The following KLHL1 variants were observed in gnomAD, a reference collection of about 807,000 sequenced individuals.
KLHL1 encodes kelch like family member 1.
KLHL1 carries 47 observed loss-of-function variants against 77.7 expected under a neutral mutation model. The observed-to-expected ratio is 0.60, with a 90% CI of 0.48 to 0.77. KLHL1 has a LOEUF of 0.77. Among genes scored for constraint, KLHL1 ranks in the 30% least tolerant of loss-of-function variants. KLHL1 has a pLI of 0.00. For synonymous variants in KLHL1, 360 were observed against 325.2 expected, an observed-to-expected ratio of 1.11 and a Z score of -1.15; for missense variants, 925 against 910.8, an observed-to-expected ratio of 1.02 and a Z score of -0.20.
chr13:70,090,110 C>T (rs1887638110), intron 1 of KLHL1, among the ~76,000 whole-genome samples: 1 of 152,030 alleles, frequency 6.6e-6, no homozygotes, highest in South Asian at 2.1e-4. Context: ...TAAATAAGAA[C>T]TTACTGAATG....
chr13:69,949,887 T>A (rs770901678), intron 3 of KLHL1, among the ~76,000 whole-genome samples: 11 of 151,808 alleles, frequency 7.2e-5, no homozygotes, highest in Non-Finnish European at 1.0e-4. Context: ...TTATTCCTTA[T>A]TGCAAATTTG....
At chr13:69,930,601 C>A (rs1882969274) in intron 4 of KLHL1, among the ~76,000 whole-genome samples, 1 of 151,806 alleles carries the variant, frequency 6.6e-6, no homozygotes, top group Admixed American at 6.6e-5. Context: ...CCTGCACATA[C>A]AACAAAGCAA....
chr13:69,754,680 T>G (rs1326646133), intron 7 of KLHL1, among the ~76,000 whole-genome samples: 1 of 152,168 alleles, frequency 6.6e-6, no homozygotes, highest in African/African-American at 2.4e-5. Context: ...CTAATACAAA[T>G]GCCATCAGGC....
At chr13:69,916,760 GA>G (rs543456088) in intron 4 of KLHL1, among the ~76,000 whole-genome samples, 16 of 146,268 alleles carry the variant, frequency 1.1e-4, no homozygotes, top group Admixed American at 4.1e-4. Flanking sequence ...AAAATAAAGT[GA>G]AAAAAAAACC....
intron 2 of KLHL1, among the ~76,000 whole-genome samples, chr13:69,974,815 A>G (rs1013966199): frequency 3.3e-5 from 5 of 152,070 alleles, no homozygotes; most frequent in African/African-American, 1.2e-4. Context: ...ATGACATTGA[A>G]TAATTCTCTC....
At chr13:69,959,112 G>A (rs1377312089) in intron 3 of KLHL1, among the ~76,000 whole-genome samples, 1 of 152,038 alleles carries the variant, frequency 6.6e-6, no homozygotes, top group Non-Finnish European at 1.5e-5. Flanking sequence ...AGTGGCAGTG[G>A]CAGCTGAGAG....
rs542792021 is a variant in KLHL1 at position 69,829,932 on chromosome 13, C to T, written c.1414+9044G>A. Among the ~76,000 whole-genome samples, 66 of 150,010 alleles carry T rather than the reference C, an allele frequency of 4.4e-4. 5 individuals carry two copies. The highest frequency in any genetic ancestry group is 8.6e-4 in the Non-Finnish European group (58 of 67,776). ...ATTTGGCACTGCCAAGCCAGCACTACAAGAACTGCTAAAAGGAGTTCTAAA... is the reference window on the plus strand; with the variant it reads ...ATTTGGCACTGCCAAGCCAGCACTATAAGAACTGCTAAAAGGAGTTCTAAA... On this transcript the variant is annotated intron_variant, in intron 6 of 10. Transcript: ENST00000377844.
chr13:69,887,816 G>T (rs1434700981), intron 4 of KLHL1, among the ~76,000 whole-genome samples: 1 of 152,018 alleles, frequency 6.6e-6, no homozygotes, highest in Non-Finnish European at 1.5e-5. Context: ...CACATAAATT[G>T]CCCTTTACAG....
chr13:69,755,917 T>C (rs1874706332), intron 7 of KLHL1, among the ~76,000 whole-genome samples: 1 of 152,194 alleles, frequency 6.6e-6, no homozygotes, highest in African/African-American at 2.4e-5. Context: ...TGGGATTTTG[T>C]GAAAATTTCT....
intron 9 of KLHL1, among the ~76,000 whole-genome samples, chr13:69,717,797 T>C (rs1872836698): frequency 6.6e-6 from 1 of 152,102 alleles, no homozygotes; most frequent in Non-Finnish European, 1.5e-5. Flanking sequence ...CATTTGTGAG[T>C]ATAAAAGCAT....
intron 4 of KLHL1, among the ~76,000 whole-genome samples, chr13:69,910,201 C>A (rs796752304): frequency 8.6e-5 from 13 of 152,034 alleles, no homozygotes; most frequent in African/African-American, 2.7e-4. Context: ...GTTAAAAATA[C>A]ATTCAAAGAT....
Position 69,863,210 on chromosome 13 carries a change from T to G in KLHL1, c.1227+19073A>C, listed in dbSNP as rs533003618. Among the ~76,000 whole-genome samples the G allele has an allele frequency of 2.0e-5, 3 of 152,240 alleles. No homozygotes were observed. The South Asian group carries it at 6.2e-4, about 32-fold the overall frequency. On this transcript the variant is annotated intron_variant, in intron 5 of 10. Coordinates refer to ENST00000377844, the MANE Select transcript of KLHL1 (RefSeq NM_020866.3). ...TAATTATTCACTTTTATTTTTGTTT[T>G]TTCTCATATATTCTAATCAGTACTC...
intron 1 of KLHL1, among the ~76,000 whole-genome samples, chr13:70,043,962 A>G (rs1453709264): frequency 2.6e-5 from 4 of 152,210 alleles, no homozygotes; most frequent in African/African-American, 9.7e-5. Context: ...TCTTCACTGC[A>G]ATTCTTACTC....
At chr13:69,790,985 T>C (rs1470276385) in intron 7 of KLHL1, among the ~76,000 whole-genome samples, 5 of 152,194 alleles carry the variant, frequency 3.3e-5, no homozygotes, top group South Asian at 2.1e-4. Context: ...AGGAGAAACA[T>C]ATTTAATAGT....
At chr13:69,806,437 G>T (rs1288521105) in intron 6 of KLHL1, among the ~76,000 whole-genome samples, 1 of 152,124 alleles carries the variant, frequency 6.6e-6, no homozygotes, top group Non-Finnish European at 1.5e-5. Context: ...AGAGTAATAA[G>T]TACATACTCA....
intron 10 of KLHL1, among the ~76,000 whole-genome samples, chr13:69,706,148 C>CTTTTATT (rs1875615831): frequency 6.7e-6 from 1 of 149,542 alleles, no homozygotes; most frequent in Admixed American, 6.7e-5. Flanking sequence ...TCATTACTTG[C>CTTTTATT]TTTTATTTTT....
At chr13:69,830,837 T>C (rs1341463448) in intron 6 of KLHL1, among the ~76,000 whole-genome samples, 1 of 150,064 alleles carries the variant, frequency 6.7e-6, no homozygotes. Flanking sequence ...AGTAATCTGA[T>C]CCTGAATGAT....
intron 6 of KLHL1, among the ~76,000 whole-genome samples, chr13:69,815,148 T>C (rs1878066232): frequency 6.6e-6 from 1 of 152,216 alleles, no homozygotes; most frequent in Non-Finnish European, 1.5e-5. Flanking sequence ...AGTTATTAGA[T>C]TTCTCAAAGA....
intron 4 of KLHL1, among the ~76,000 whole-genome samples, chr13:69,883,166 A>G (rs1415941408): frequency 6.6e-6 from 1 of 152,186 alleles, no homozygotes; most frequent in Non-Finnish European, 1.5e-5. Context: ...TGATGACAGA[A>G]TAATATTTCC....
Sources: gnomAD v4.1 joint callset for allele counts (sites outside exome capture counted in the v4.1 genomes callset) on GRCh38, gnomAD v4.1.1 for gene constraint, MANE v1.5 for transcripts, NCBI Gene and HGNC (gene_info 2026-07-23, HGNC 2026-07-21) for gene names.